ABCD3: variants seen among roughly 807,000 people sequenced by gnomAD.
ABCD3 encodes ATP-binding cassette sub-family D member 3.
ABCD3 carries 41 observed loss-of-function variants against 105.5 expected under a neutral mutation model. The observed-to-expected ratio is 0.39, with a 90% CI of 0.30 to 0.50. The LOEUF is 0.50. Among genes scored for constraint, ABCD3 ranks in the 20% least tolerant of loss-of-function variants. The probability of loss-of-function intolerance (pLI) is 0.84; values close to 1 mark genes in which losing one functional copy is unlikely to be tolerated. For missense variants in ABCD3, 622 were observed against 806.3 expected, an observed-to-expected ratio of 0.77 and a Z score of 2.77; for synonymous variants, 258 against 269.0, an observed-to-expected ratio of 0.96 and a Z score of 0.40.
chr1:94,448,971 G>C (rs564769497), intron 1 of ABCD3, among the ~76,000 whole-genome samples: 69 of 152,306 alleles, frequency 4.5e-4, no homozygotes, highest in Non-Finnish European at 8.8e-4. Flanking sequence ...CTAAAGGCTA[G>C]ATGCTATCAG....
the ABCD3 span, among the ~76,000 whole-genome samples, chr1:94,402,327 C>G: frequency 2.0e-5 from 3 of 152,092 alleles, no homozygotes; most frequent in African/African-American, 7.2e-5. Context: ...TCTAATTTAT[C>G]AAAAGTTACA....
chr1:94,475,551 TTTG>T (rs1015885726), intron 6 of ABCD3, 60 bp from the exon 7 acceptor site: 16 of 1,535,294 alleles, frequency 1.0e-5, no homozygotes, highest in African/African-American at 4.1e-5. Flanking sequence ...ATATGATTTT[TTTG>T]TTGTTGTTTT....
intron 1 of ABCD3, among the ~76,000 whole-genome samples, chr1:94,436,066 C>CT (rs1276553024): frequency 1.4e-4 from 21 of 152,134 alleles, no homozygotes; most frequent in Non-Finnish European, 2.5e-4. Flanking sequence ...CTAGAATCAG[C>CT]TTTTTTTCCT....
chr1:94,406,485 T>G, the ABCD3 span: 26 of 424,306 alleles, frequency 6.1e-5, no homozygotes, highest in African/African-American at 5.4e-4. Flanking sequence ...TGGAACAGGC[T>G]GGCGCTTCAG....
intron 1 of ABCD3, among the ~76,000 whole-genome samples, chr1:94,419,879 G>C (rs1659189416): frequency 6.6e-6 from 1 of 152,242 alleles, no homozygotes; most frequent in South Asian, 2.1e-4. Context: ...GCTTTTAAAA[G>C]GATTAATTTG....
intron 9 of ABCD3, 151 bp downstream of exon 9, chr1:94,480,757 T>TA: frequency 1.2e-6 from 1 of 856,406 alleles, no homozygotes; most frequent in South Asian, 1.6e-5. Flanking sequence ...ACTAGTTTTA[T>TA]AAAGTAGTAA....
intron 4 of ABCD3, among the ~76,000 whole-genome samples, chr1:94,471,788 G>GT (rs1648471086): frequency 6.6e-6 from 1 of 152,092 alleles, no homozygotes; most frequent in African/African-American, 2.4e-5. Flanking sequence ...CTTTTCTAAA[G>GT]TAAGTCCAGA....
rs749265156 is a variant in ABCD3 at position 94,472,949 on chromosome 1, A to T, written c.336-817A>T. Among the ~76,000 whole-genome samples, 3 of 152,238 alleles carry T rather than the reference A, an allele frequency of 2.0e-5. No individual in the cohort carries two copies. In the South Asian group the frequency reaches 6.2e-4, roughly 32 times the overall value. Reference sequence around the variant, plus strand: ...TACTCAAAGATCCTTTACTTATATAATACTGCTTTGTTCAAATTTTTAATA... The same window carrying T: ...TACTCAAAGATCCTTTACTTATATATTACTGCTTTGTTCAAATTTTTAATA... On this transcript the variant is annotated intron_variant, in intron 4 of 22. Transcript: ENST00000370214.
chr1:94,466,056 A>G (rs1648116893), intron 3 of ABCD3, among the ~76,000 whole-genome samples: 1 of 152,078 alleles, frequency 6.6e-6, no homozygotes, highest in African/African-American at 2.4e-5. Context: ...CCCTTGAGAA[A>G]TTCTTTTTTT....
the ABCD3 span, among the ~76,000 whole-genome samples, chr1:94,407,233 C>A: frequency 6.6e-6 from 1 of 152,194 alleles, no homozygotes; most frequent in Non-Finnish European, 1.5e-5. Flanking sequence ...TCACCGCAAC[C>A]TCCACCTCCT....
chr1:94,426,646 G>A (rs951575261), intron 1 of ABCD3, among the ~76,000 whole-genome samples: 8 of 151,650 alleles, frequency 5.3e-5, no homozygotes, highest in Non-Finnish European at 8.8e-5. Context: ...GGGTTCAAGT[G>A]ATTATCTTGC....
chr1:94,503,538 T>C (rs1011427857), intron 20 of ABCD3, among the ~76,000 whole-genome samples: 6 of 152,158 alleles, frequency 3.9e-5, no homozygotes, highest in African/African-American at 1.4e-4. Context: ...CCTCTTCTAG[T>C]CCTTCTCTTG....
upstream of ABCD3, among the ~76,000 whole-genome samples, chr1:94,414,197 T>C (rs1658960790): frequency 1.3e-5 from 2 of 152,138 alleles, no homozygotes; most frequent in African/African-American, 4.8e-5. Context: ...TTTATCTTGG[T>C]GATGAGAAAC....
chr1:94,507,711 T>C (rs937782439), intron 21 of ABCD3, among the ~76,000 whole-genome samples: 3 of 152,074 alleles, frequency 2.0e-5, no homozygotes, highest in Non-Finnish European at 4.4e-5. Context: ...TATCTCACTG[T>C]GGTTTTGATT....
Position 94,464,837 on chromosome 1 carries a change from T to A in ABCD3, c.210T>A (p.Ile70=). The change falls in exon 3 of 23, where the codon ATT becomes ATA. Residue 70 remains isoleucine, a synonymous_variant. Coordinates refer to ENST00000370214, the MANE Select transcript of ABCD3 (RefSeq NM_002858.4). ...DKVFFSRLIQ[I]LKIMVPRTFC... ...TGTTTTTCTCAAGGCTCATACAGAT[T>A]CTGAAAATCATGGTCCCTAGAACAT... The A allele has an allele frequency of 6.2e-7, 1 of 1,613,972 alleles. No homozygotes were observed.
In ABCD3 at chr1:94,430,030, C is replaced by T. The variant is rs373253331; in HGVS notation, c.110+11442C>T. On this transcript the variant is annotated intron_variant, in intron 1 of 22. Transcript: ENST00000370214. ...CAGAGCTGCCCAAGACCATGGGAAC[C>T]CACCTCTTGCATCAGTGTGACCTGT... is the stretch of plus-strand genomic sequence containing the variant. Among the ~76,000 whole-genome samples the T allele has an allele frequency of 2.0e-5, 3 of 152,354 alleles. No individual in the cohort carries two copies. In the East Asian group the frequency reaches 5.8e-4, roughly 29 times the overall value.
chr1:94,460,514 T>C (rs373269076), intron 2 of ABCD3, among the ~76,000 whole-genome samples: 37 of 152,304 alleles, frequency 2.4e-4, no homozygotes, highest in African/African-American at 8.9e-4. Context: ...TTAATTCACT[T>C]AGTAAGTCAG....
chr1:94,468,056 C>A, intron 4 of ABCD3, 49 bp downstream of exon 4: 2 of 1,336,064 alleles, frequency 1.5e-6, no homozygotes, highest in Non-Finnish European at 2.2e-6. Context: ...GCTAATTTGT[C>A]TCATATTTAT....
rs551149218 is a variant in ABCD3, at chr1:94,510,886, T to C, written c.1845+4244T>C. Among the ~76,000 whole-genome samples, 376 of 152,270 alleles carry C rather than the reference T, an allele frequency of 2.5e-3. 6 individuals are homozygous for C. The highest frequency in any genetic ancestry group is 8.8e-3 in the African/African-American group (367 of 41,562). ...CTTTTATTTTGAGCCTATGTGTGTC[T>C]CTGCACGTGAGATGGGTTTCCTGAA... On this transcript the variant is annotated intron_variant, in intron 21 of 22. Transcript: ENST00000370214.
Sources: gnomAD v4.1 joint callset for allele counts (sites outside exome capture counted in the v4.1 genomes callset) on GRCh38, gnomAD v4.1.1 for gene constraint, MANE v1.5 for transcripts, NCBI Gene and HGNC (gene_info 2026-07-23, HGNC 2026-07-21) for gene names.